The following NEBL variants were observed in gnomAD, a reference collection of about 807,000 sequenced individuals.
NEBL encodes the protein nebulette, also known as LIM and SH3 protein 2.
In NEBL, 122 loss-of-function variants were observed where a neutral mutation model predicts 140.2. That is an observed-to-expected ratio of 0.87 (90% CI 0.75 to 1.01). NEBL has a LOEUF of 1.01. NEBL is among the 50% of genes least tolerant of loss of function. NEBL has a pLI of 0.00. For missense variants in NEBL, 1,365 were observed against 1,231.3 expected (o/e 1.11, Z -1.62); for synonymous variants, 436 against 398.9 (o/e 1.09, Z -1.11).
chr10:20,898,186 C>T (rs149676446), upstream of NEBL, among the ~76,000 whole-genome samples: 527 of 152,120 alleles, frequency 3.5e-3, 8 homozygotes, highest in African/African-American at 0.011. Context: ...AAAAATTTCT[C>T]AAAACAAATA....
intron 5 of NEBL, among the ~76,000 whole-genome samples, chr10:20,872,800 T>A (rs2131264434): frequency 6.6e-6 from 1 of 152,236 alleles, no homozygotes; most frequent in African/African-American, 2.4e-5. Flanking sequence ...TCAAGACAGT[T>A]TACAAGTGCC....
At chr10:21,008,503 A>G (rs1838218492) in intron 3 of NEBL, among the ~76,000 whole-genome samples, 1 of 152,174 alleles carries the variant, frequency 6.6e-6, no homozygotes, top group African/African-American at 2.4e-5. Flanking sequence ...TGAATAGACA[A>G]TTCTCAAAAG....
At chr10:20,913,299 A>ATTC (rs1744867105) in intron 4 of NEBL, among the ~76,000 whole-genome samples, 1 of 152,158 alleles carries the variant, frequency 6.6e-6, no homozygotes, top group Admixed American at 6.6e-5. Flanking sequence ...TTCATTCCTA[A>ATTC]AAGGCACTGC....
intron 3 of NEBL, among the ~76,000 whole-genome samples, chr10:21,240,270 T>C (rs1459199151): frequency 2.6e-5 from 4 of 152,190 alleles, no homozygotes; most frequent in Non-Finnish European, 4.4e-5. Flanking sequence ...GAAAATCCCT[T>C]TGTTAGTTTA....
At chr10:21,172,239 C>A (rs975382175) in intron 2 of NEBL, 2 of 707,786 alleles carry the variant, frequency 2.8e-6, no homozygotes, top group South Asian at 1.5e-5. Context: ...AAGTACATGG[C>A]CCCAGAGTCT....
At chr10:20,801,258 G>T (rs1837094867) in intron 26 of NEBL, among the ~76,000 whole-genome samples, 1 of 151,478 alleles carries the variant, frequency 6.6e-6, no homozygotes. Flanking sequence ...TGTCACCCAG[G>T]TTGGAGTGCA....
intron 3 of NEBL, among the ~76,000 whole-genome samples, chr10:21,233,837 G>C (rs980472847): frequency 8.5e-6 from 1 of 117,894 alleles, no homozygotes; most frequent in African/African-American, 3.1e-5. Flanking sequence ...GCATATATAT[G>C]GATATATATT....
intron 2 of NEBL, among the ~76,000 whole-genome samples, chr10:21,104,948 A>T (rs1433082071): frequency 6.6e-6 from 1 of 152,240 alleles, no homozygotes; most frequent in Non-Finnish European, 1.5e-5. Flanking sequence ...TGTTGCGCAT[A>T]GTAAAATGCT....
intron 2 of NEBL, among the ~76,000 whole-genome samples, chr10:21,131,888 G>A (rs533069927): frequency 6.6e-6 from 1 of 152,286 alleles, no homozygotes; most frequent in Non-Finnish European, 1.5e-5. Context: ...TGTATTTTTT[G>A]AATGGTCAAT....
intron 11 of NEBL, among the ~76,000 whole-genome samples, chr10:20,846,170 A>G (rs1841919361): frequency 6.6e-6 from 1 of 152,126 alleles, no homozygotes; most frequent in Non-Finnish European, 1.5e-5. Context: ...TGCATGCTTT[A>G]TGACTATAAA....
At chr10:20,835,930 T>C (rs1316775363) in intron 13 of NEBL, among the ~76,000 whole-genome samples, 2 of 152,224 alleles carry the variant, frequency 1.3e-5, no homozygotes, top group African/African-American at 4.8e-5. Flanking sequence ...AATGAGCTGC[T>C]GTTGTACAAA....
chr10:20,818,830 A>G (rs1274035410), intron 20 of NEBL: 2 of 990,516 alleles, frequency 2.0e-6, no homozygotes, highest in Non-Finnish European at 2.4e-6. Flanking sequence ...CACGCAGTTC[A>G]TGCCCTTCAA....
intron 2 of NEBL, among the ~76,000 whole-genome samples, chr10:20,894,422 G>A (rs1331307864): frequency 6.6e-6 from 1 of 151,440 alleles, no homozygotes; most frequent in Non-Finnish European, 1.5e-5. Context: ...GCAGTGAGCT[G>A]CAGTCACATG....
At chr10:20,952,163 G>A (rs542405633) in intron 4 of NEBL, among the ~76,000 whole-genome samples, 110 of 152,264 alleles carry the variant, frequency 7.2e-4, no homozygotes, top group African/African-American at 2.3e-3. Context: ...GGGGCCAGGC[G>A]GGGTGGCTCA....
At chr10:21,102,361 A>G (rs1294526659) in intron 2 of NEBL, among the ~76,000 whole-genome samples, 2 of 152,178 alleles carry the variant, frequency 1.3e-5, no homozygotes, top group African/African-American at 2.4e-5. Context: ...TATCACCACA[A>G]TCAAGATAAT....
At chr10:21,145,253 T>C (rs949112081) in intron 2 of NEBL, among the ~76,000 whole-genome samples, 10 of 152,230 alleles carry the variant, frequency 6.6e-5, no homozygotes, top group African/African-American at 2.4e-4. Context: ...TATATAAGCC[T>C]TCTGGCTTGG....
At chr10:21,034,858 A>C (rs1833950669) in intron 2 of NEBL, among the ~76,000 whole-genome samples, 1 of 152,188 alleles carries the variant, frequency 6.6e-6, no homozygotes, top group African/African-American at 2.4e-5. Flanking sequence ...GGTTTGTTAC[A>C]CAGGTAAACA....
chr10:20,935,084 C>A (rs1234253189), intron 4 of NEBL, among the ~76,000 whole-genome samples: 1 of 152,166 alleles, frequency 6.6e-6, no homozygotes, highest in African/African-American at 2.4e-5. Flanking sequence ...AAAAATATGA[C>A]TGGCCACATT....
intron 19 of NEBL, among the ~76,000 whole-genome samples, chr10:20,821,920 T>C (rs749399388): frequency 2.0e-5 from 3 of 152,178 alleles, no homozygotes; most frequent in Non-Finnish European, 2.9e-5. Context: ...GGAATGCCTT[T>C]CCTCACAAAA....
Sources: gnomAD v4.1 joint callset for allele counts (sites outside exome capture counted in the v4.1 genomes callset) on GRCh38, gnomAD v4.1.1 for gene constraint, MANE v1.5 for transcripts, NCBI Gene and HGNC (gene_info 2026-07-23, HGNC 2026-07-21) for gene names.